The following RBM20 variants were observed in gnomAD, a reference collection of about 807,000 sequenced individuals.
The protein encoded by RBM20 is RNA-binding protein 20.
A neutral mutation model predicts 110.1 loss-of-function variants in RBM20; 51 were observed. That is an observed-to-expected ratio of 0.46 (90% CI 0.37 to 0.59). The LOEUF (loss-of-function observed/expected upper bound fraction) is 0.59. Ranked by LOEUF, RBM20 falls within the 20% of genes least tolerant of loss-of-function variation. The pLI is 0.00. For synonymous variants in RBM20, 589 were observed against 618.2 expected (o/e 0.95, Z 0.70); for missense variants, 1,512 against 1,574.9 (o/e 0.96, Z 0.68).
At chr10:110,776,993 C>T (rs1249964216) in intron 1 of RBM20, among the ~76,000 whole-genome samples, 1 of 152,130 alleles carries the variant, frequency 6.6e-6, no homozygotes, top group African/African-American at 2.4e-5. Context: ...GGGTTTTTCT[C>T]CACAGAATTG....
intron 9 of RBM20, among the ~76,000 whole-genome samples, chr10:110,814,149 C>A (rs1482914538): frequency 6.6e-6 from 1 of 152,194 alleles, no homozygotes; most frequent in Non-Finnish European, 1.5e-5. Context: ...GAAACCAAAT[C>A]TCTACTCCAT....
At chr10:110,680,534 C>T (rs957615456) in intron 1 of RBM20, among the ~76,000 whole-genome samples, 2 of 152,136 alleles carry the variant, frequency 1.3e-5, no homozygotes, top group Non-Finnish European at 2.9e-5. Flanking sequence ...TGGATGGCCT[C>T]GGGCTGCTGG....
chr10:110,647,814 C>A (rs1266014179), intron 1 of RBM20, among the ~76,000 whole-genome samples: 4 of 152,042 alleles, frequency 2.6e-5, no homozygotes, highest in Non-Finnish European at 4.4e-5. Context: ...CCTTGATGAA[C>A]GTCAGAAATT....
intron 1 of RBM20, among the ~76,000 whole-genome samples, chr10:110,752,197 A>G (rs527576554): frequency 1.3e-5 from 2 of 152,196 alleles, no homozygotes; most frequent in Non-Finnish European, 2.9e-5. Context: ...CTCCTCCTAT[A>G]TATCCCTTCT....
At chr10:110,808,735 T>C (rs61862916) in intron 7 of RBM20, among the ~76,000 whole-genome samples, 1,825 of 152,244 alleles carry the variant, frequency 0.012, 17 homozygotes, top group Non-Finnish European at 0.018. Flanking sequence ...AGGCAGCTCC[T>C]CCTTCATTCT....
At position 110,711,246 on chromosome 10, in the gene RBM20, C is replaced by T. The variant is rs548986136; in HGVS notation, c.191+66601C>T. Among the ~76,000 whole-genome samples, 3 of 136,230 alleles carry T rather than the reference C, an allele frequency of 2.2e-5. No homozygotes were observed. In the East Asian group the frequency reaches 7.8e-4, roughly 35 times the overall value. The allele number at this position is 136,230 out of a possible 152,430, so 89.4% of individuals were successfully genotyped here. ...TCGGGAGGCTGAGATAGGAGAATTG[C>T]TTGAACCTGGGAGGCGGAGGCTGCA... is the stretch of plus-strand genomic sequence containing the variant. On this transcript the variant is annotated intron_variant, in intron 1 of 13. Coordinates refer to ENST00000369519, the MANE Select transcript of RBM20 (RefSeq NM_001134363.3).
chr10:110,785,192 A>G (rs1412727078), intron 5 of RBM20, among the ~76,000 whole-genome samples: 1 of 152,208 alleles, frequency 6.6e-6, no homozygotes, highest in Non-Finnish European at 1.5e-5. Context: ...CTTCATGCTC[A>G]GTATGCACCT....
intron 1 of RBM20, among the ~76,000 whole-genome samples, chr10:110,694,645 A>T (rs1337893423): frequency 2.0e-5 from 3 of 152,216 alleles, no homozygotes; most frequent in Admixed American, 2.0e-4. Context: ...AATTCTGAGC[A>T]GTTCTGCTTG....
In RBM20 at chr10:110,781,139, C is replaced by G. The variant is rs183130427; in HGVS notation, c.530C>G (p.Thr177Arg). The G allele has an allele frequency of 1.9e-6, 3 of 1,551,606 alleles. No homozygotes were observed. The African/African-American group carries it at 4.1e-5, about 21-fold the overall frequency. ...ATTGCCTTTTCACCCCCCAGCCAGA[C>G]ACGAGGCCCCGGACCCTCCATGAAC... Reference protein sequence around the residue: ...NAIAFSPPSQTRGPGPSMNLP... With the variant: ...NAIAFSPPSQRRGPGPSMNLP... Residue 177 changes from threonine (T) to arginine (R), a missense_variant, in exon 2 of 14, where the codon ACA becomes AGA. Thr to Arg is a moderately conservative substitution (Grantham distance 71). This residue lies in a region of RBM20 where 1,149 missense variants were observed against 1,169.4 expected (regional missense o/e 0.98). Coordinates refer to ENST00000369519, the MANE Select transcript of RBM20 (RefSeq NM_001134363.3).
intron 1 of RBM20, among the ~76,000 whole-genome samples, chr10:110,767,653 G>A (rs1333098659): frequency 1.3e-5 from 2 of 151,442 alleles, no homozygotes; most frequent in African/African-American, 4.9e-5. Flanking sequence ...CCCAGACGGG[G>A]TCACGGCCGG....
At chr10:110,780,101 G>A (rs35416099) in intron 1 of RBM20, among the ~76,000 whole-genome samples, 4,184 of 152,232 alleles carry the variant, frequency 0.027, 76 homozygotes, top group East Asian at 0.052. Context: ...GAGATTTATC[G>A]TATTGGAATG....
Position 110,780,377 on chromosome 10 carries a change from A to G in RBM20, c.192-424A>G, listed in dbSNP as rs150825594. Among the ~76,000 whole-genome samples the G allele has an allele frequency of 4.9e-3, 742 of 152,332 alleles. 7 individuals are homozygous for G. The highest frequency in any genetic ancestry group is 0.022 in the South Asian group (105 of 4,832). ...GCTCATTTTCTCAGTTTTGATTTAT[A>G]TAATTGAATTCCAGGGTCAAAGAAT... On this transcript the variant is annotated intron_variant, in intron 1 of 13. Coordinates refer to ENST00000369519, the MANE Select transcript of RBM20 (RefSeq NM_001134363.3).
chr10:110,791,493 G>A (rs544958540), intron 5 of RBM20, among the ~76,000 whole-genome samples: 22 of 151,320 alleles, frequency 1.5e-4, no homozygotes, highest in Admixed American at 5.9e-4. Flanking sequence ...ATTTGAACTC[G>A]GGCCTCTTAT....
chr10:110,809,299 C>T (rs1409611704), intron 7 of RBM20, among the ~76,000 whole-genome samples: 1 of 137,572 alleles, frequency 7.3e-6, no homozygotes, highest in East Asian at 2.3e-4. Context: ...TTTAATAAAA[C>T]TCATTATCAA....
At chr10:110,784,457 A>C in intron 4 of RBM20, 25 bp downstream of exon 4, 1 of 1,523,416 alleles carries the variant, frequency 6.6e-7, no homozygotes, top group Non-Finnish European at 8.9e-7. Context: ...ACAGGTCAGC[A>C]GCTTGAAGCA....
chr10:110,827,389 GA>G (rs910614495), intron 12 of RBM20, among the ~76,000 whole-genome samples: 10 of 144,286 alleles, frequency 6.9e-5, no homozygotes, highest in African/African-American at 2.5e-4. Flanking sequence ...CCCTGTCTCA[GA>G]AAAAAAGGAA....
Position 110,665,995 on chromosome 10 carries a change from A to AAGAGAGAGAGAG in RBM20, c.191+21361_191+21372dup, listed in dbSNP as rs56329688. ...CCCAGTGTGATGGCACAAAGAAAGA[A>AAGAGAGAGAGAG]AGAGAGAGAGAGAGAGAGAGAGGGG... On this transcript the variant is annotated intron_variant, in intron 1 of 13. Transcript: ENST00000369519. Among the ~76,000 whole-genome samples the AAGAGAGAGAGAG allele has an allele frequency of 2.2e-3, 317 of 145,472 alleles. 2 individuals are homozygous for AAGAGAGAGAGAG. Among genetic ancestry groups the AAGAGAGAGAGAG allele is most frequent in the East Asian group, 5.8e-3 (28 of 4,828 alleles).
intron 1 of RBM20, among the ~76,000 whole-genome samples, chr10:110,777,066 C>T (rs144057076): frequency 1.3e-5 from 2 of 152,214 alleles, no homozygotes; most frequent in African/African-American, 4.8e-5. Context: ...AGCCATACCC[C>T]TTATCTTCCT....
At chr10:110,650,687 C>A (rs1263045678) in intron 1 of RBM20, among the ~76,000 whole-genome samples, 2 of 152,234 alleles carry the variant, frequency 1.3e-5, no homozygotes, top group Non-Finnish European at 2.9e-5. Context: ...CCACTTCCCA[C>A]TCTGACCCAA....
Sources: allele counts gnomAD v4.1 joint callset (sites outside exome capture counted in the v4.1 genomes callset), GRCh38; gene constraint gnomAD v4.1.1; regional missense constraint gnomAD v4.1.1; transcripts MANE v1.5; gene names NCBI Gene and HGNC (gene_info 2026-07-23, HGNC 2026-07-21).